RIMBP2: variants seen among roughly 807,000 people sequenced by gnomAD.
RIMBP2 encodes the protein RIMS-binding protein 2.
In RIMBP2, 48 loss-of-function variants were observed where a neutral mutation model predicts 118.6. That is an observed-to-expected ratio of 0.40 (90% CI 0.32 to 0.51). The LOEUF is 0.51. RIMBP2 is among the 20% of genes least tolerant of loss of function. The probability of loss-of-function intolerance (pLI) is 0.41; values close to 1 mark genes in which losing one functional copy is unlikely to be tolerated. For synonymous variants in RIMBP2, 762 were observed against 742.9 expected (o/e 1.03, Z -0.42); for missense variants, 1,551 against 1,768.3 (o/e 0.88, Z 2.20).
At chr12:130,653,391 G>T (rs185493239) in intron 1 of RIMBP2, among the ~76,000 whole-genome samples, 1 of 152,256 alleles carries the variant, frequency 6.6e-6, no homozygotes, top group Non-Finnish European at 1.5e-5. Context: ...CCTTGACTCC[G>T]TGCCCCACAT....
chr12:130,446,324 G>A lies in RIMBP2; in HGVS notation c.582-1055C>T, dbSNP rs564175563. Among the ~76,000 whole-genome samples the A allele has an allele frequency of 7.2e-5, 11 of 152,274 alleles. No homozygotes were observed. The East Asian group carries it at 1.3e-3, about 19-fold the overall frequency. On this transcript the variant is annotated intron_variant, in intron 9 of 22. Coordinates refer to ENST00000690449, the MANE Select transcript of RIMBP2 (RefSeq NM_001393629.1). This position sits in a 1 kb window ranked among gnomAD's most constrained non-coding sequence, Gnocchi z 4.1. ...GCAGTTTACCAACACTTTCATACACGTTTTATTCGATGGCCATTAAATGTT... is the reference window on the plus strand; with the variant it reads ...GCAGTTTACCAACACTTTCATACACATTTTATTCGATGGCCATTAAATGTT...
chr12:130,556,453 G>A (rs1374166570), intron 2 of RIMBP2, among the ~76,000 whole-genome samples: 3 of 152,256 alleles, frequency 2.0e-5, no homozygotes, highest in Admixed American at 2.0e-4. Flanking sequence ...GAAACAGATA[G>A]AACCTCCAGC....
rs763603469 is a variant in RIMBP2 at position 130,688,379 on chromosome 12, C to A, written c.-352+27843G>T. Among the ~76,000 whole-genome samples the A allele has an allele frequency of 2.0e-5, 3 of 152,194 alleles. No homozygotes were observed. Among genetic ancestry groups the A allele is most frequent in the Non-Finnish European group, 4.4e-5 (3 of 68,044 alleles). Reference sequence around the variant, plus strand: ...GGAGCCACAGGAACACTCTAGAACACTCTGGAACACTCTGGGGCCATTGGA... The same window carrying A: ...GGAGCCACAGGAACACTCTAGAACAATCTGGAACACTCTGGGGCCATTGGA... On this transcript the variant is annotated intron_variant, in intron 1 of 22. Coordinates refer to ENST00000690449, the MANE Select transcript of RIMBP2 (RefSeq NM_001393629.1). The surrounding 1 kb of genome is among the most constrained non-coding windows in gnomAD (Gnocchi z 4.7).
Position 130,577,564 on chromosome 12 carries a change from C to T in RIMBP2, c.-217+50758G>A, listed in dbSNP as rs371888081. Reference sequence around the variant, plus strand: ...GAGCTCATGAGAACTCCCTCACTATCGCGAGAACAGCATGGGGGAAACTGC... The same window carrying T: ...GAGCTCATGAGAACTCCCTCACTATTGCGAGAACAGCATGGGGGAAACTGC... On this transcript the variant is annotated intron_variant, in intron 2 of 22. Coordinates refer to ENST00000690449, the MANE Select transcript of RIMBP2 (RefSeq NM_001393629.1). 3.5e-4 allele frequency among the ~76,000 whole-genome samples: 54 copies of T among 152,268 alleles called. No homozygotes were observed. The South Asian group carries it at 6.6e-3, about 19-fold the overall frequency.
intron 2 of RIMBP2, among the ~76,000 whole-genome samples, chr12:130,612,817 G>A (rs984168373): frequency 6.6e-6 from 1 of 152,132 alleles, no homozygotes; most frequent in South Asian, 2.1e-4. Context: ...GGTGAAGCAA[G>A]GTACACAGCC....
chr12:130,596,186 T>A (rs1260210004), intron 2 of RIMBP2, among the ~76,000 whole-genome samples: 1 of 152,114 alleles, frequency 6.6e-6, no homozygotes, highest in Non-Finnish European at 1.5e-5. Flanking sequence ...AACTCACAAC[T>A]GTCTGGAAGC....
chr12:130,612,612 ATGG>A (rs2060627137), intron 2 of RIMBP2, among the ~76,000 whole-genome samples: 2 of 152,336 alleles, frequency 1.3e-5, no homozygotes, highest in African/African-American at 2.4e-5. Context: ...ATTTGACAGG[ATGG>A]TGAAGACCGT....
chr12:130,590,264 C>T lies in RIMBP2; in HGVS notation c.-217+38058G>A, dbSNP rs114493813. 7.9e-3 allele frequency among the ~76,000 whole-genome samples: 1,206 copies of T among 152,278 alleles called. 17 individuals carry two copies. Among genetic ancestry groups the T allele is most frequent in the African/African-American group, 0.028 (1,158 of 41,544 alleles). On this transcript the variant is annotated intron_variant, in intron 2 of 22. Transcript: ENST00000690449. Reference sequence around the variant, plus strand: ...CACATGGAGGAATGTCATCCCCACACCCTAGGCTGAAGCTCAAGGCCACCT... The same window carrying T: ...CACATGGAGGAATGTCATCCCCACATCCTAGGCTGAAGCTCAAGGCCACCT...
chr12:130,499,630 T>TC (rs1481466920), intron 4 of RIMBP2, among the ~76,000 whole-genome samples: 2 of 152,144 alleles, frequency 1.3e-5, no homozygotes, highest in African/African-American at 4.8e-5. Flanking sequence ...CAGCAGGCAT[T>TC]CACCCTCTGC....
At chr12:130,449,585 C>T (rs1469368710) in intron 9 of RIMBP2, among the ~76,000 whole-genome samples, 1 of 152,038 alleles carries the variant, frequency 6.6e-6, no homozygotes, top group Non-Finnish European at 1.5e-5. Context: ...GACATGTCCC[C>T]TTTCACTCTC....
chr12:130,692,670 A>T (rs193131941), intron 1 of RIMBP2, among the ~76,000 whole-genome samples: 25 of 152,270 alleles, frequency 1.6e-4, no homozygotes, highest in Admixed American at 1.3e-3. Flanking sequence ...TGTGGAATCA[A>T]TTTAGCAAGG....
rs561611520 is a variant in RIMBP2, at chr12:130,597,004, A to G, written c.-217+31318T>C. ...ACAGATAGTTTTGCTGGGGATTTCT[A>G]ACAATTATTTGTGGACAAATTAATA... On this transcript the variant is annotated intron_variant, in intron 2 of 22. Transcript: ENST00000690449. 3.9e-5 allele frequency among the ~76,000 whole-genome samples: 6 copies of G among 152,356 alleles called. No individual in the cohort carries two copies. The East Asian group carries it at 1.2e-3, about 29-fold the overall frequency.
chr12:130,497,791 C>T (rs990938924), intron 4 of RIMBP2, among the ~76,000 whole-genome samples: 1 of 152,320 alleles, frequency 6.6e-6, no homozygotes, highest in Admixed American at 6.5e-5. Context: ...TTCTGACAGG[C>T]ACCCTGCTTC....
intron 4 of RIMBP2, among the ~76,000 whole-genome samples, chr12:130,484,183 C>T (rs1462898657): frequency 6.6e-6 from 1 of 152,212 alleles, no homozygotes; most frequent in East Asian, 1.9e-4. Flanking sequence ...AGCTGAAAGC[C>T]CCTCGGTGGG....
intron 2 of RIMBP2, among the ~76,000 whole-genome samples, chr12:130,601,562 G>A (rs2059886902): frequency 6.6e-6 from 1 of 152,142 alleles, no homozygotes; most frequent in South Asian, 2.1e-4. Context: ...ATTCAGCCCA[G>A]TCTAGAGACC....
chr12:130,664,415 A>ACGCACGCACACACCCACACACACGCACG (rs1195044326), intron 1 of RIMBP2, among the ~76,000 whole-genome samples: 1 of 130,496 alleles, frequency 7.7e-6, no homozygotes, highest in Non-Finnish European at 1.7e-5. Flanking sequence ...ACGCACGCAC[A>ACGCACGCACACACCCACACACACGCACG]CACACGCACA....
chr12:130,634,475 G>A (rs553450457), intron 1 of RIMBP2, among the ~76,000 whole-genome samples: 4 of 152,234 alleles, frequency 2.6e-5, no homozygotes, highest in South Asian at 2.1e-4. Context: ...AATCACACCC[G>A]AAGTCTCTGA....
rs1014541500 is a variant in RIMBP2, at chr12:130,443,775, GTGA to G, written c.692-1118_692-1116del. The stretch of plus-strand genomic sequence containing the variant: ...GGAGGTGATGGTGATGATGGTGACG[GTGA>G]TGATGATGATGGTGGTGATGGTTAT... On this transcript the variant is annotated intron_variant, in intron 10 of 22. Coordinates refer to ENST00000690449, the MANE Select transcript of RIMBP2 (RefSeq NM_001393629.1). Among the ~76,000 whole-genome samples, 10 of 152,280 alleles carry G rather than the reference GTGA, an allele frequency of 6.6e-5. No individual in the cohort carries two copies. In the East Asian group the frequency reaches 7.7e-4, roughly 12 times the overall value.
At chr12:130,649,317 C>G (rs974704844) in intron 1 of RIMBP2, among the ~76,000 whole-genome samples, 1 of 109,450 alleles carries the variant, frequency 9.1e-6, no homozygotes. Context: ...GGCCGGAGGC[C>G]GCTCCGCTCC....
Sources: allele counts gnomAD v4.1 joint callset (sites outside exome capture counted in the v4.1 genomes callset), GRCh38; gene constraint gnomAD v4.1.1; non-coding constraint Gnocchi (gnomAD v3.1); transcripts MANE v1.5; gene names NCBI Gene and HGNC (gene_info 2026-07-23, HGNC 2026-07-21).